Variants in FAT2 observed in about 807,000 individuals in gnomAD.
FAT2 encodes FAT atypical cadherin 2, also known as protocadherin Fat 2.
Under a neutral mutation model 295.3 loss-of-function variants are expected in FAT2, and 150 were observed. That is an observed-to-expected ratio of 0.51 (90% confidence interval 0.44 to 0.58). FAT2 has a LOEUF of 0.58. FAT2 is among the 20% of genes least tolerant of loss of function. FAT2 has a pLI of 0.00. For missense variants in FAT2, 4,868 were observed against 5,442.7 expected, an observed-to-expected ratio of 0.89 and a Z score of 3.32; for synonymous variants, 2,026 against 2,150.3, an observed-to-expected ratio of 0.94 and a Z score of 1.60.
intron 1 of FAT2, among the ~76,000 whole-genome samples, chr5:151,584,822 C>G (rs1168104614): frequency 6.6e-6 from 1 of 152,202 alleles, no homozygotes; most frequent in South Asian, 2.1e-4. Context: ...AGTCCAAACT[C>G]TGAACCACTA....
chr5:151,554,839 T>A lies in FAT2; in HGVS notation c.3634-166A>T, dbSNP rs76952416. Among the ~76,000 whole-genome samples the A allele has an allele frequency of 9.4e-3, 1,429 of 152,348 alleles. 19 individuals are homozygous for A. Among genetic ancestry groups the A allele is most frequent in the African/African-American group, 0.033 (1,374 of 41,586 alleles). On this transcript the variant is annotated intron_variant, in intron 4 of 23. Transcript: ENST00000261800. ...CTCAGCTCTCTGGCAACTTTGCCCC[T>A]GGGAAAGCCAGTGAGAACAGAGAAA...
chr5:151,506,846 T>C (rs1224536148), intron 23 of FAT2, among the ~76,000 whole-genome samples: 5 of 152,122 alleles, frequency 3.3e-5, no homozygotes, highest in Non-Finnish European at 5.9e-5. Flanking sequence ...AAAGCACAAA[T>C]GTGCAGAAGC....
chr5:151,580,088 T>A (rs1279054163), intron 1 of FAT2, among the ~76,000 whole-genome samples: 2 of 152,126 alleles, frequency 1.3e-5, no homozygotes, highest in Non-Finnish European at 2.9e-5. Context: ...AGGGGTCACT[T>A]TAAGTTGCAT....
intron 20 of FAT2, among the ~76,000 whole-genome samples, chr5:151,514,437 T>A (rs867533197): frequency 6.6e-6 from 1 of 152,074 alleles, no homozygotes; most frequent in South Asian, 2.1e-4. Flanking sequence ...ATCTCTTTCT[T>A]ACTTCGTAGA....
Position 151,531,821 on chromosome 5 carries a change from C to G in FAT2, c.9577G>C (p.Gly3193Arg), listed in dbSNP as rs2127591649. Residue 3193 changes from glycine to arginine, a missense_variant, in exon 14 of 24, where the codon GGC (glycine) becomes CGC (arginine). Physicochemically the swap from Gly to Arg is moderately radical, Grantham distance 125. Coordinates refer to ENST00000261800, the MANE Select transcript of FAT2 (RefSeq NM_001447.3). The surrounding 1 kb of genome is among the most constrained non-coding windows in gnomAD (Gnocchi z 5.7). ...AGCGTGGACAGCGGTATTGGGGTGC[C>G]CAGGTCAGAGGCACGGACCGTGAGC... ...LELTVRASDL[G>R]TPIPLSTLGT... The G allele has an allele frequency of 3.7e-6, 6 of 1,613,862 alleles. No individual in the cohort carries two copies. Among genetic ancestry groups the G allele is most frequent in the Non-Finnish European group, 5.1e-6 (6 of 1,180,016 alleles).
At position 151,521,991 on chromosome 5, in the gene FAT2, C is replaced by T; in HGVS notation, c.10602G>A (p.Leu3534=). The part of the protein sequence containing the change: ...QSHYAPSALP[L]EIFITVGEDE... Reference sequence around the variant, plus strand: ...CCTCTCCAACAGTGATGAAGATCTCCAGTGGGAGAGCAGAAGGTGCATAGT... The same window carrying T: ...CCTCTCCAACAGTGATGAAGATCTCTAGTGGGAGAGCAGAAGGTGCATAGT... The change falls in exon 19 of 24, where the codon CTG becomes CTA. Residue 3534 remains leucine (L), a synonymous_variant. Transcript: ENST00000261800. 6.2e-7 allele frequency: 1 copy of T among 1,614,162 alleles called. No individual in the cohort carries two copies. Among genetic ancestry groups the T allele is most frequent in the Non-Finnish European group, 8.5e-7 (1 of 1,180,016 alleles).
At chr5:151,524,040 A>C (rs13360326) in intron 18 of FAT2, among the ~76,000 whole-genome samples, 17,043 of 151,878 alleles carry the variant, frequency 0.11, 1,751 homozygotes, top group African/African-American at 0.28. Flanking sequence ...CATCTTCTCC[A>C]TCACTCCGTG....
intron 11 of FAT2, among the ~76,000 whole-genome samples, chr5:151,539,853 C>T (rs1460503567): frequency 6.6e-6 from 1 of 152,218 alleles, no homozygotes; most frequent in Non-Finnish European, 1.5e-5. Context: ...AGTTGAATTA[C>T]ATGAGATCCT....
At chr5:151,563,271 T>G in intron 3 of FAT2, 54 bp downstream of exon 3, 2 of 1,540,586 alleles carry the variant, frequency 1.3e-6, no homozygotes, top group East Asian at 4.5e-5. Flanking sequence ...GGGCCCACAA[T>G]TTGAGAACCA....
chr5:151,542,301 G>A lies in FAT2; in HGVS notation c.8826C>T (p.Val2942=). The A allele has an allele frequency of 6.2e-7, 1 of 1,601,808 alleles. No individual in the cohort carries two copies. The highest frequency in any genetic ancestry group is 8.5e-7 in the Non-Finnish European group (1 of 1,173,884). ...TGTTCTTACCTGTGATGTAGCAGGTGACCTGCCTGTTCTGCTCAGAAATGT... is the reference window on the plus strand; with the variant it reads ...TGTTCTTACCTGTGATGTAGCAGGTAACCTGCCTGTTCTGCTCAGAAATGT... ...DADISEQNRQ[V]TCYITEGDPL... Residue 2942 remains valine, a synonymous_variant, in exon 10 of 24, where the codon GTC becomes GTT. Transcript: ENST00000261800.
upstream of FAT2, among the ~76,000 whole-genome samples, chr5:151,591,415 G>A (rs780998458): frequency 2.6e-5 from 4 of 152,192 alleles, no homozygotes; most frequent in Non-Finnish European, 5.9e-5. Flanking sequence ...TCTGTCTCAC[G>A]GAGAGGGAGG....
At position 151,531,402 on chromosome 5, in the gene FAT2, AG is replaced by A. The variant is rs1754580588; in HGVS notation, c.9811+184del. Among the ~76,000 whole-genome samples the A allele has an allele frequency of 6.6e-6, 1 of 152,254 alleles. No individual in the cohort carries two copies. The highest frequency in any genetic ancestry group is 2.4e-5 in the African/African-American group (1 of 41,560). On this transcript the variant is annotated intron_variant, in intron 14 of 23. Coordinates refer to ENST00000261800, the MANE Select transcript of FAT2 (RefSeq NM_001447.3). The surrounding 1 kb of genome is among the most constrained non-coding windows in gnomAD (Gnocchi z 5.7). ...CCCGTTTAAGGGAGGCTCCCACATA[AG>A]CTGGCCCCAGGGTGGAAGGAGGGAC...
Position 151,521,251 on chromosome 5 carries a change from T to C in FAT2, c.11317+25A>G, listed in dbSNP as rs760797099. On this transcript the variant is annotated intron_variant, in intron 19 of 23. Coordinates refer to ENST00000261800, the MANE Select transcript of FAT2 (RefSeq NM_001447.3). ...GGGCTGAGCCCAGCAGTGCTGCTCG[T>C]CCCTAGGGAAGATGTAGTACTTACC... The C allele has an allele frequency of 4.4e-6, 7 of 1,573,840 alleles. No individual in the cohort carries two copies. In the Admixed American group the frequency reaches 1.2e-4, roughly 27 times the overall value.
chr5:151,555,707 C>T (rs1371171822), intron 4 of FAT2, among the ~76,000 whole-genome samples: 3 of 152,148 alleles, frequency 2.0e-5, no homozygotes, highest in Admixed American at 6.5e-5. Flanking sequence ...AAAGAATGTG[C>T]AGAGCCTGGA....
At chr5:151,592,100 G>A (rs1369771987), upstream of FAT2, among the ~76,000 whole-genome samples, 4 of 152,190 alleles carry the variant, frequency 2.6e-5, no homozygotes, top group Admixed American at 2.6e-4. Context: ...TGGCTCACTG[G>A]GGTGCAGGAC....
chr5:151,565,599 C>T (rs905512989), intron 2 of FAT2, 74 bp downstream of exon 2: 49 of 1,436,782 alleles, frequency 3.4e-5, no homozygotes, highest in Non-Finnish European at 3.9e-5. Context: ...TCCTTCAGCC[C>T]GCAGGCTGAC....
intron 14 of FAT2, among the ~76,000 whole-genome samples, chr5:151,529,902 G>T (rs1353268978): frequency 6.6e-6 from 1 of 152,148 alleles, no homozygotes; most frequent in Non-Finnish European, 1.5e-5. Context: ...AGAAATAAAA[G>T]AACAAGGATT....
intron 18 of FAT2, among the ~76,000 whole-genome samples, chr5:151,523,890 C>G (rs532016505): frequency 3.9e-5 from 6 of 152,162 alleles, no homozygotes; most frequent in Non-Finnish European, 7.3e-5. Flanking sequence ...CTCATAAATG[C>G]ACTACCACCG....
chr5:151,537,697 A>T, intron 12 of FAT2, 96 bp downstream of exon 12: 1 of 1,254,886 alleles, frequency 8.0e-7, no homozygotes, highest in Non-Finnish European at 1.1e-6. Flanking sequence ...AGATGAGTGA[A>T]TTCCTGTTTC....
Sources: gnomAD v4.1 joint callset for allele counts (sites outside exome capture counted in the v4.1 genomes callset) on GRCh38, gnomAD v4.1.1 for gene constraint, Gnocchi (gnomAD v3.1) non-coding constraint, MANE v1.5 for transcripts, NCBI Gene and HGNC (gene_info 2026-07-23, HGNC 2026-07-21) for gene names.